Variants in EEF1E1 observed in about 807,000 individuals in gnomAD.
The protein encoded by EEF1E1 is eukaryotic translation elongation factor 1 epsilon 1.
Under a neutral mutation model 19.9 loss-of-function variants are expected in EEF1E1, and 19 were observed. That is an observed-to-expected ratio of 0.95 (90% confidence interval 0.66 to 1.40). The LOEUF (loss-of-function observed/expected upper bound fraction) is 1.40. EEF1E1 is among the 40% of genes most tolerant of loss of function. The pLI is 0.00. For synonymous variants in EEF1E1, 81 were observed against 80.0 expected (o/e 1.01, Z -0.07); for missense variants, 198 against 202.2 (o/e 0.98, Z 0.13).
At chr6:8,088,427 G>A (rs1381975169) in intron 3 of EEF1E1, among the ~76,000 whole-genome samples, 1 of 152,150 alleles carries the variant, frequency 6.6e-6, no homozygotes, top group African/African-American at 2.4e-5. Flanking sequence ...GAGGAACCTG[G>A]TGGGAGGTAA....
chr6:8,082,341 G>T (rs12204771), intron 3 of EEF1E1, among the ~76,000 whole-genome samples: 27,152 of 152,104 alleles, frequency 0.18, 3,107 homozygotes, highest in Non-Finnish European at 0.26. Flanking sequence ...GCAGTGGCGC[G>T]ATCTGGGCTC....
intron 3 of EEF1E1, among the ~76,000 whole-genome samples, chr6:8,088,156 C>A (rs1274716860): frequency 6.6e-6 from 1 of 152,088 alleles, no homozygotes; most frequent in Non-Finnish European, 1.5e-5. Flanking sequence ...ATTTGTACAG[C>A]ATGAAGAACA....
At position 8,097,867 on chromosome 6, in the gene EEF1E1, T is replaced by C. The variant is rs533390873; in HGVS notation, c.88-400A>G. ...AATAAACCTGACTTCATGTTTCCCC[T>C]ATTACGACAGCAATATAAAGGATCA... On this transcript the variant is annotated intron_variant, in intron 1 of 3. Transcript: ENST00000379715. 7.2e-5 allele frequency among the ~76,000 whole-genome samples: 11 copies of C among 152,322 alleles called. No homozygotes were observed. In the South Asian group the frequency reaches 2.1e-3, roughly 29 times the overall value.
At position 8,079,908 on chromosome 6, in the gene EEF1E1, T is replaced by C. The variant is rs148223233; in HGVS notation, c.507A>G (p.Leu169=). Residue 169 remains leucine (L), a synonymous_variant, in exon 4 of 4, where the codon CTA becomes CTG. Coordinates refer to ENST00000379715, the MANE Select transcript of EEF1E1 (RefSeq NM_004280.5). ...LSSVVFIKNR[L]YTNSH ...ACAGCTTCTAGTGGGAATTAGTATA[T>C]AGTCTGTTCTTGATGAAGACAACAC... 9.3e-6 allele frequency: 15 copies of C among 1,612,310 alleles called. No individual in the cohort carries two copies. Among genetic ancestry groups the C allele is most frequent in the African/African-American group, 5.3e-5 (4 of 74,896 alleles).
At chr6:8,083,631 T>A (rs1757775112) in intron 3 of EEF1E1, among the ~76,000 whole-genome samples, 1 of 152,208 alleles carries the variant, frequency 6.6e-6, no homozygotes, top group Non-Finnish European at 1.5e-5. Context: ...AACTCAGCCA[T>A]GACTAAAATT....
chr6:8,096,266 T>C (rs1758172023), intron 2 of EEF1E1, among the ~76,000 whole-genome samples: 1 of 152,242 alleles, frequency 6.6e-6, no homozygotes, highest in South Asian at 2.1e-4. Flanking sequence ...TTGTGTTCAC[T>C]TGTTATTTGC....
chr6:8,080,275 T>G (rs768633411), intron 3 of EEF1E1, among the ~76,000 whole-genome samples: 3 of 152,188 alleles, frequency 2.0e-5, no homozygotes, highest in Non-Finnish European at 2.9e-5. Flanking sequence ...AATACCAAGT[T>G]TTCAACAAAT....
chr6:8,088,899 G>C (rs1412845541), intron 3 of EEF1E1, among the ~76,000 whole-genome samples: 1 of 151,858 alleles, frequency 6.6e-6, no homozygotes, highest in East Asian at 1.9e-4. Context: ...GAGGGAGAAG[G>C]AAGGGGCTTA....
At chr6:8,088,007 T>C (rs1354747597) in intron 3 of EEF1E1, among the ~76,000 whole-genome samples, 1 of 152,204 alleles carries the variant, frequency 6.6e-6, no homozygotes, top group Non-Finnish European at 1.5e-5. Context: ...GTCTGGTTTC[T>C]GGACCTCGTT....
chr6:8,098,120 CTT>C (rs34936886), intron 1 of EEF1E1, among the ~76,000 whole-genome samples: 2,055 of 146,442 alleles, frequency 0.014, 32 homozygotes, highest in African/African-American at 0.047. Flanking sequence ...GAAATAGTAT[CTT>C]TTTTTTTTTT....
At chr6:8,099,770 ACACACACACACAC>A (rs1561646210) in intron 1 of EEF1E1, among the ~76,000 whole-genome samples, 8 of 122,344 alleles carry the variant, frequency 6.5e-5, no homozygotes, top group African/African-American at 2.2e-4. Flanking sequence ...ACACACACAC[ACACACACACACAC>A]ACACACACAA....
At position 8,079,875 on chromosome 6, in the gene EEF1E1, T is replaced by A; in HGVS notation, c.*15A>T. On this transcript the variant is annotated 3_prime_UTR_variant, in exon 4 of 4. Transcript: ENST00000379715. ...AAACATTTTTAATAGATCTTCTGTA[T>A]GGCATGGACAGCTTCTAGTGGGAAT... 1 of 1,606,936 alleles carries A rather than the reference T, an allele frequency of 6.2e-7. No individual in the cohort carries two copies. Among genetic ancestry groups the A allele is most frequent in the Non-Finnish European group, 8.5e-7 (1 of 1,176,794 alleles).
chr6:8,092,868 G>GTTTTTTGT (rs1554099258), intron 2 of EEF1E1, among the ~76,000 whole-genome samples: 1 of 108,200 alleles, frequency 9.2e-6, no homozygotes, highest in African/African-American at 3.7e-5. Flanking sequence ...GATAAAGACT[G>GTTTTTTGT]CTTTTTTTTT....
intron 2 of EEF1E1, among the ~76,000 whole-genome samples, chr6:8,093,541 TA>T (rs1468280169): frequency 1.3e-5 from 2 of 152,134 alleles, no homozygotes; most frequent in East Asian, 3.8e-4. Context: ...TGAAATTATA[TA>T]CTACCTTATT....
rs1169494863 is a variant in EEF1E1 at position 8,079,523 on chromosome 6, AT to A, written c.*366del. The A allele has an allele frequency of 3.0e-6, 3 of 996,566 alleles. No homozygotes were observed. Among genetic ancestry groups the A allele is most frequent in the Non-Finnish European group, 3.6e-6 (3 of 836,320 alleles). The allele number at this position is 996,566 out of a possible 1,614,324, so 61.7% of individuals were successfully genotyped here. A position where few individuals can be genotyped will look rare whatever the true frequency, so the allele number is the denominator to read the frequency against. On this transcript the variant is annotated 3_prime_UTR_variant, in exon 4 of 4. Coordinates refer to ENST00000379715, the MANE Select transcript of EEF1E1 (RefSeq NM_004280.5). ...TACCATAAATATCCATAAGGGGAAA[AT>A]GAATTTTAGAATATGAAAGAGAGGT...
chr6:8,101,245 T>A (rs59856331), intron 1 of EEF1E1, among the ~76,000 whole-genome samples: 8,955 of 30,348 alleles, frequency 0.3, 1,841 homozygotes, highest in East Asian at 0.39. Flanking sequence ...AAAAAAAAAA[T>A]ATATATATAT....
rs755925126 is a variant in EEF1E1 at position 8,097,341 on chromosome 6, G to T, written c.214C>A (p.Gln72Lys). 2.5e-6 allele frequency: 4 copies of T among 1,614,180 alleles called. No individual in the cohort carries two copies. Among genetic ancestry groups the T allele is most frequent in the Middle Eastern group, 1.6e-4 (1 of 6,062 alleles). Reference sequence around the variant, plus strand: ...GTGACCCTGTATTCTAACCACTGCTGAACGATTGCTTTTTCTTCTGCAGTA... The same window carrying T: ...GTGACCCTGTATTCTAACCACTGCTTAACGATTGCTTTTTCTTCTGCAGTA... ...GSTAEEKAIV[Q>K]QWLEYRVTQV... The change falls in exon 2 of 4, where the codon CAG becomes AAG. Residue 72 changes from glutamine (Q) to lysine (K), a missense_variant. Physicochemically the swap from Gln to Lys is moderately conservative, Grantham distance 53 (BLOSUM62 1). Coordinates refer to ENST00000379715, the MANE Select transcript of EEF1E1 (RefSeq NM_004280.5).
chr6:8,079,096 C>G (rs1210970587), downstream of EEF1E1, among the ~76,000 whole-genome samples: 2 of 152,138 alleles, frequency 1.3e-5, no homozygotes, highest in Non-Finnish European at 2.9e-5. Context: ...GTTCTTCACA[C>G]AGCACTTTAA....
In EEF1E1 at chr6:8,079,881, G is replaced by T; in HGVS notation, c.*9C>A. ...TTTTAATAGATCTTCTGTATGGCAT[G>T]GACAGCTTCTAGTGGGAATTAGTAT... On this transcript the variant is annotated 3_prime_UTR_variant, in exon 4 of 4. Coordinates refer to ENST00000379715, the MANE Select transcript of EEF1E1 (RefSeq NM_004280.5). 6.2e-7 allele frequency: 1 copy of T among 1,609,662 alleles called. No individual in the cohort carries two copies. The highest frequency in any genetic ancestry group is 8.5e-7 in the Non-Finnish European group (1 of 1,178,394).
Sources: gnomAD v4.1 joint callset for allele counts (sites outside exome capture counted in the v4.1 genomes callset) on GRCh38, gnomAD v4.1.1 for gene constraint, MANE v1.5 for transcripts, NCBI Gene and HGNC (gene_info 2026-07-23, HGNC 2026-07-21) for gene names.